Variants in SLC4A7 observed in about 807,000 individuals in gnomAD.
The protein encoded by SLC4A7 is solute carrier family 4 member 7, also known as sodium bicarbonate cotransporter 3.
A neutral mutation model predicts 137.6 loss-of-function variants in SLC4A7; 51 were observed. That is an observed-to-expected ratio of 0.37 (90% CI 0.30 to 0.47). SLC4A7 has a LOEUF of 0.47. Ranked by LOEUF, SLC4A7 falls within the 20% of genes least tolerant of loss-of-function variation. The pLI is 1.00. For synonymous variants in SLC4A7, 542 were observed against 518.6 expected (o/e 1.05, Z -0.61); for missense variants, 1,247 against 1,525.4 (o/e 0.82, Z 3.04).
intron 23 of SLC4A7, 92 bp downstream of exon 23, chr3:27,385,800 G>T: frequency 1.2e-6 from 1 of 830,402 alleles, no homozygotes; most frequent in Non-Finnish European, 1.8e-6. Flanking sequence ...GAAAGGAACT[G>T]ATTCATGTAA....
chr3:27,457,865 G>A (rs1358960060), intron 1 of SLC4A7, among the ~76,000 whole-genome samples: 1 of 152,138 alleles, frequency 6.6e-6, no homozygotes, highest in Non-Finnish European at 1.5e-5. Flanking sequence ...AGTTTTGCCT[G>A]AAAGTCTGAA....
Position 27,409,437 on chromosome 3 carries a change from C to T in SLC4A7, c.1860G>A (p.Ser620=), listed in dbSNP as rs772682303. 4.3e-6 allele frequency: 7 copies of T among 1,613,846 alleles called. No homozygotes were observed. The highest frequency in any genetic ancestry group is 5.9e-6 in the Non-Finnish European group (7 of 1,179,804). ...TACAGGCACAGTATAGGAAAAGAAT[C>T]GAGGCCAGGCACTGCAGGCTTAATG... ...KDALSLQCLA[S]ILFLYCACMS... is the part of the protein sequence containing the mutation. Residue 620 remains serine, a synonymous_variant, in exon 13 of 26, where the codon TCG becomes TCA. Coordinates refer to ENST00000454389, the MANE Select transcript of SLC4A7 (RefSeq NM_001321103.2).
At chr3:27,446,376 T>C (rs1182701308) in intron 3 of SLC4A7, among the ~76,000 whole-genome samples, 1 of 152,130 alleles carries the variant, frequency 6.6e-6, no homozygotes, top group Non-Finnish European at 1.5e-5. Context: ...GGATACAAAT[T>C]GGTAGTTAAG....
intron 1 of SLC4A7, among the ~76,000 whole-genome samples, chr3:27,480,547 A>C (rs958442857): frequency 6.6e-6 from 1 of 152,026 alleles, no homozygotes; most frequent in Non-Finnish European, 1.5e-5. Flanking sequence ...ACAGTTTCAG[A>C]TTTGCTCTCT....
intron 3 of SLC4A7, among the ~76,000 whole-genome samples, chr3:27,438,711 A>C (rs562958936): frequency 1.3e-5 from 2 of 151,974 alleles, no homozygotes; most frequent in African/African-American, 2.4e-5. Flanking sequence ...CATAACATAA[A>C]ATAAAATAAA....
Position 27,484,152 on chromosome 3 carries a change from C to T in SLC4A7, c.-26G>A. ...GGCCGGCCGGCCAGCCCGTGACGGC[C>T]GCTACGGTACTGCCCCGCGCGGTCT... On this transcript the variant is annotated 5_prime_UTR_variant, in exon 1 of 26. Coordinates refer to ENST00000454389, the MANE Select transcript of SLC4A7 (RefSeq NM_001321103.2). 2.2e-6 allele frequency: 3 copies of T among 1,346,760 alleles called. No individual in the cohort carries two copies. In the Middle Eastern group the frequency reaches 6.2e-4, roughly 280 times the overall value. 83.4% of individuals were successfully genotyped at this position (1,346,760 alleles called of 1,614,324 possible).
At chr3:27,441,749 G>A (rs1028683596) in intron 3 of SLC4A7, among the ~76,000 whole-genome samples, 1 of 151,908 alleles carries the variant, frequency 6.6e-6, no homozygotes, top group East Asian at 1.9e-4. Flanking sequence ...CAGTCTCCCA[G>A]TGTTGAAATT....
chr3:27,377,372 A>G (rs1236860261), intron 25 of SLC4A7, among the ~76,000 whole-genome samples: 1 of 152,180 alleles, frequency 6.6e-6, no homozygotes, highest in Non-Finnish European at 1.5e-5. Flanking sequence ...CTACATATAT[A>G]TAGAACAAAT....
intron 1 of SLC4A7, among the ~76,000 whole-genome samples, chr3:27,477,407 T>C (rs930155615): frequency 6.6e-6 from 1 of 152,204 alleles, no homozygotes; most frequent in Non-Finnish European, 1.5e-5. Flanking sequence ...GGCAGAGATT[T>C]TCTAAAAATT....
In SLC4A7 at chr3:27,400,886, G is replaced by A; in HGVS notation, c.2322-17C>T. 1 of 1,360,246 alleles carries A rather than the reference G, an allele frequency of 7.4e-7. No homozygotes were observed. The highest frequency in any genetic ancestry group is 1.0e-6 in the Non-Finnish European group (1 of 959,214). The allele number at this position is 1,360,246 out of a possible 1,614,324, so 84.3% of individuals were successfully genotyped here. On this transcript the variant is annotated splice_polypyrimidine_tract_variant and intron_variant, in intron 15 of 25. Transcript: ENST00000454389. ...CATACACATCTGAGAAATTAGAGTA[G>A]GATACATTTTTAAGGATCCTGAATT...
intron 23 of SLC4A7, among the ~76,000 whole-genome samples, chr3:27,384,860 C>T (rs1342785933): frequency 2.6e-5 from 4 of 151,814 alleles, no homozygotes; most frequent in Non-Finnish European, 4.4e-5. Context: ...CTAGCTTGGA[C>T]CCGGGAGGTT....
intron 13 of SLC4A7, among the ~76,000 whole-genome samples, chr3:27,407,140 C>G (rs565151220): frequency 5.1e-5 from 7 of 137,984 alleles, no homozygotes; most frequent in Admixed American, 3.7e-4. Flanking sequence ...AATTTTTGAA[C>G]TGTTTCTATG....
At chr3:27,465,474 T>TAAAAAAAAAAA (rs10564000) in intron 1 of SLC4A7, among the ~76,000 whole-genome samples, 1 of 125,460 alleles carries the variant, frequency 8.0e-6, no homozygotes, top group Non-Finnish European at 1.7e-5. Context: ...GTAGGCACAG[T>TAAAAAAAAAAA]AAAAAAAAAA....
intron 15 of SLC4A7, 33 bp from the exon 16 acceptor site, chr3:27,400,902 A>C: frequency 8.4e-7 from 1 of 1,190,750 alleles, no homozygotes; most frequent in Non-Finnish European, 1.2e-6. Flanking sequence ...ATTTTTAAGG[A>C]TCCTGAATTT....
At chr3:27,455,839 A>G (rs1559814926) in intron 1 of SLC4A7, among the ~76,000 whole-genome samples, 1 of 152,144 alleles carries the variant, frequency 6.6e-6, no homozygotes, top group Non-Finnish European at 1.5e-5. Flanking sequence ...CCTGGGCAAC[A>G]GAACGAGACC....
In SLC4A7 at chr3:27,465,319, C is replaced by T. The variant is rs542235218; in HGVS notation, c.61-12821G>A. Reference sequence around the variant, plus strand: ...AAAAAAAAAAAAAAAACCCACAAACCTACAATCAATTCTTGTTTTAAGTAG... The same window carrying T: ...AAAAAAAAAAAAAAAACCCACAAACTTACAATCAATTCTTGTTTTAAGTAG... On this transcript the variant is annotated intron_variant, in intron 1 of 25. Coordinates refer to ENST00000454389, the MANE Select transcript of SLC4A7 (RefSeq NM_001321103.2). Among the ~76,000 whole-genome samples the T allele has an allele frequency of 4.1e-5, 6 of 147,922 alleles. No homozygotes were observed. The East Asian group carries it at 1.2e-3, about 29-fold the overall frequency.
chr3:27,442,686 T>C (rs1174081335), intron 3 of SLC4A7, among the ~76,000 whole-genome samples: 4 of 152,080 alleles, frequency 2.6e-5, no homozygotes, highest in African/African-American at 7.2e-5. Context: ...GCTGGTGTTG[T>C]AGACAAAACC....
chr3:27,400,317 T>C (rs548648104), intron 16 of SLC4A7, among the ~76,000 whole-genome samples: 1 of 152,292 alleles, frequency 6.6e-6, no homozygotes, highest in Non-Finnish European at 1.5e-5. Context: ...AAGGTTAACT[T>C]AGACATTAGG....
At chr3:27,412,635 G>A (rs556163476) in intron 11 of SLC4A7, among the ~76,000 whole-genome samples, 2 of 151,988 alleles carry the variant, frequency 1.3e-5, no homozygotes, top group South Asian at 4.2e-4. Flanking sequence ...AAAGAGGAAA[G>A]GGATAAAATT....
Sources: allele counts gnomAD v4.1 joint callset (sites outside exome capture counted in the v4.1 genomes callset), GRCh38; gene constraint gnomAD v4.1.1; transcripts MANE v1.5; gene names NCBI Gene and HGNC (gene_info 2026-07-23, HGNC 2026-07-21).